Variants in CLEC1B observed in about 807,000 individuals in gnomAD.
CLEC1B encodes C-type lectin-like receptor 2.
A neutral mutation model predicts 26.7 loss-of-function variants in CLEC1B; 26 were observed. That is an observed-to-expected ratio of 0.97 (90% CI 0.71 to 1.35). The LOEUF (loss-of-function observed/expected upper bound fraction) is 1.35. CLEC1B is among the 40% of genes most tolerant of loss of function. The pLI is 0.00. For synonymous variants in CLEC1B, 112 were observed against 96.0 expected (o/e 1.17, Z -0.97); for missense variants, 293 against 282.6 (o/e 1.04, Z -0.26).
upstream of CLEC1B, among the ~76,000 whole-genome samples, chr12:10,001,273 T>C (rs1314732341): frequency 6.6e-6 from 1 of 152,222 alleles, no homozygotes; most frequent in Admixed American, 6.5e-5. Context: ...CCACCAGGAA[T>C]GTGCCAGGAT....
chr12:10,000,614 A>G (rs80338457), upstream of CLEC1B, among the ~76,000 whole-genome samples: 1,753 of 152,364 alleles, frequency 0.012, 12 homozygotes, highest in Non-Finnish European at 0.019. Flanking sequence ...CAGTTAAAAT[A>G]TTCAGGGGTT....
At chr12:9,996,608 A>G (rs59400725) in intron 4 of CLEC1B, 347,238 of 610,460 alleles carry the variant, frequency 0.57, 100,503 homozygotes, top group East Asian at 0.71. Flanking sequence ...CCCACTATGT[A>G]CCTGAGCTGT....
Position 9,999,051 on chromosome 12 carries a change from G to C in CLEC1B, c.50C>G (p.Pro17Arg), listed in dbSNP as rs778042482. Residue 17 changes from proline (P) to arginine (R), a missense_variant, in exon 1 of 6, where the codon CCA becomes CGA. Coordinates refer to ENST00000298527, the MANE Select transcript of CLEC1B (RefSeq NM_016509.4). ...YITLNIKTRK[P>R]ALISVGSASS... is the part of the protein sequence containing the mutation. ...AGCATTCTTACCGGAGATGAGAGCT[G>C]GTTTCCGAGTTTTAATATTTAAGGT... is the stretch of plus-strand genomic sequence containing the variant. The C allele has an allele frequency of 5.0e-6, 8 of 1,601,838 alleles. No individual in the cohort carries two copies. The South Asian group carries it at 7.8e-5, about 16-fold the overall frequency.
At chr12:9,998,644 T>TTTTTGTTTTGTTTTG (rs71049030) in intron 1 of CLEC1B, among the ~76,000 whole-genome samples, 19 of 145,736 alleles carry the variant, frequency 1.3e-4, no homozygotes, top group East Asian at 4.0e-4. Flanking sequence ...GTGTTTGTAT[T>TTTTTGTTTTGTTTTG]TTTTGTTTTG....
upstream of CLEC1B, among the ~76,000 whole-genome samples, chr12:10,001,540 G>C (rs930173612): frequency 3.9e-5 from 6 of 152,134 alleles, no homozygotes; most frequent in African/African-American, 7.2e-5. Flanking sequence ...ATGACTTTGT[G>C]GTGTTAGAAG....
intron 4 of CLEC1B, 128 bp downstream of exon 4, chr12:9,996,718 A>T (rs1178998457): frequency 1.1e-6 from 1 of 925,146 alleles, no homozygotes; most frequent in African/African-American, 1.6e-5. Context: ...ACTAGGTTTC[A>T]CAAGGGTCTT....
intron 1 of CLEC1B, among the ~76,000 whole-genome samples, chr12:9,998,618 G>A (rs560045314): frequency 8.4e-6 from 1 of 119,164 alleles, no homozygotes; most frequent in East Asian, 2.2e-4. Context: ...AATATTACTT[G>A]CTGTTAAGGC....
At chr12:9,994,104 TG>T (rs1864968964) in intron 5 of CLEC1B, among the ~76,000 whole-genome samples, 1 of 152,058 alleles carries the variant, frequency 6.6e-6, no homozygotes, top group South Asian at 2.1e-4. Context: ...TAATTTAGTT[TG>T]GGTAGAGTTA....
chr12:9,993,373 C>T, intron 5 of CLEC1B, 86 bp from the exon 6 acceptor site: 1 of 753,764 alleles, frequency 1.3e-6, no homozygotes, highest in Non-Finnish European at 2.1e-6. Context: ...TTTGATGCAC[C>T]AAATAGAGAC....
chr12:10,000,414 C>T (rs1194542943), upstream of CLEC1B, among the ~76,000 whole-genome samples: 2 of 152,070 alleles, frequency 1.3e-5, no homozygotes. Context: ...GAAGAATAAG[C>T]ATAACACGTA....
chr12:9,994,997 G>A (rs1865002065), intron 5 of CLEC1B, 143 bp downstream of exon 5: 1 of 1,551,260 alleles, frequency 6.4e-7, no homozygotes, highest in South Asian at 1.1e-5. Flanking sequence ...CTTATGACCA[G>A]CGCTGTCTTG....
chr12:9,995,172 C>A lies in CLEC1B; in HGVS notation c.513G>T (p.Lys171Asn). ...LSRQKSNEVW[K>N]WEDGSVISEN... The stretch of plus-strand genomic sequence containing the variant: ...CTGAGATAACCGAGCCATCCTCCCA[C>A]TTCCAGACCTCATTCGACTTCTGGC... The change falls in exon 5 of 6, where the codon AAG (lysine) becomes AAT (asparagine). Residue 171 changes from lysine (K) to asparagine (N), a missense_variant. Lys to Asn is a moderately conservative substitution (Grantham distance 94). Transcript: ENST00000298527. 1 of 1,613,170 alleles carries A rather than the reference C, an allele frequency of 6.2e-7. No homozygotes were observed. The highest frequency in any genetic ancestry group is 8.5e-7 in the Non-Finnish European group (1 of 1,179,226).
chr12:9,998,521 T>G lies in CLEC1B; in HGVS notation c.65-141A>C, dbSNP rs149325605. ...TTGCTGGCAGATCTCACCTGTGTTC[T>G]CCTCATGATCATCAACAATAGGCAT... On this transcript the variant is annotated intron_variant, in intron 1 of 5. Coordinates refer to ENST00000298527, the MANE Select transcript of CLEC1B (RefSeq NM_016509.4). 7.4e-6 allele frequency: 4 copies of G among 541,936 alleles called. No homozygotes were observed. In the East Asian group the frequency reaches 9.2e-5, roughly 12 times the overall value. The allele number at this position is 541,936 out of a possible 1,614,324, so 33.6% of individuals were successfully genotyped here. A position where few individuals can be genotyped will look rare whatever the true frequency, so the allele number is the denominator to read the frequency against.
intron 5 of CLEC1B, among the ~76,000 whole-genome samples, chr12:9,994,828 T>TGC (rs1358270649): frequency 3.6e-5 from 5 of 138,624 alleles, no homozygotes; most frequent in South Asian, 2.3e-4. Context: ...CACATGTGCA[T>TGC]GCGCGCACAC....
intron 4 of CLEC1B, among the ~76,000 whole-genome samples, chr12:9,995,994 T>C (rs1865036230): frequency 6.6e-6 from 1 of 152,126 alleles, no homozygotes; most frequent in African/African-American, 2.4e-5. Flanking sequence ...AATCAATCTA[T>C]GGGTAACAAA....
upstream of CLEC1B, among the ~76,000 whole-genome samples, chr12:10,000,674 G>C (rs1346434724): frequency 6.6e-6 from 1 of 152,102 alleles, no homozygotes; most frequent in Non-Finnish European, 1.5e-5. Context: ...ATCTACCACT[G>C]CTTCTGTTCT....
chr12:9,997,024 G>A (rs1241465175), intron 3 of CLEC1B, 24 bp from the exon 4 acceptor site: 2 of 1,612,298 alleles, frequency 1.2e-6, no homozygotes, highest in Non-Finnish European at 1.7e-6. Context: ...GCACAGGAAT[G>A]GTGTATTTTT....
upstream of CLEC1B, among the ~76,000 whole-genome samples, chr12:10,001,675 A>G (rs2137251708): frequency 6.6e-6 from 1 of 152,350 alleles, no homozygotes; most frequent in South Asian, 2.1e-4. Context: ...AAAATTAAGC[A>G]GAGAACTGCA....
upstream of CLEC1B, chr12:9,999,363 T>G (rs1300006226): frequency 1.6e-5 from 5 of 312,456 alleles, no homozygotes; most frequent in Non-Finnish European, 2.3e-5. Context: ...AGGTATTTGC[T>G]TCCTGCTTTT....
Sources: allele counts gnomAD v4.1 joint callset (sites outside exome capture counted in the v4.1 genomes callset), GRCh38; gene constraint gnomAD v4.1.1; transcripts MANE v1.5; gene names NCBI Gene and HGNC (gene_info 2026-07-23, HGNC 2026-07-21).